PPP4R3B: variants seen among roughly 807,000 people sequenced by gnomAD.
The protein encoded by PPP4R3B is protein phosphatase 4 regulatory subunit 3B, also known as serine/threonine-protein phosphatase 4 regulatory subunit 3B.
In PPP4R3B, 52 loss-of-function variants were observed where a neutral mutation model predicts 95.4. That is an observed-to-expected ratio of 0.54 (90% confidence interval 0.44 to 0.69). The LOEUF is 0.69. PPP4R3B is among the 30% of genes least tolerant of loss of function. PPP4R3B has a pLI of 0.00. For missense variants in PPP4R3B, 1,003 were observed against 1,005.9 expected (o/e 1.00, Z 0.04); for synonymous variants, 407 against 343.9 (o/e 1.18, Z -2.03).
At chr2:55,553,957 C>T (rs1159672068) in intron 16 of PPP4R3B, among the ~76,000 whole-genome samples, 3 of 152,156 alleles carry the variant, frequency 2.0e-5, no homozygotes, top group African/African-American at 4.8e-5. Context: ...AATTTTCTTA[C>T]AATATATACC....
chr2:55,617,425 C>A lies in PPP4R3B; in HGVS notation c.-140G>T. ...GAGAGGCCCGAATTCACCATGGCTC[C>A]AAAGGTTCAGCCGCGAGAAGGGGTG... On this transcript the variant is annotated 5_prime_UTR_variant, in exon 1 of 17. Transcript: ENST00000616407. The A allele has an allele frequency of 1.9e-6, 2 of 1,038,012 alleles. No individual in the cohort carries two copies. Among genetic ancestry groups the A allele is most frequent in the South Asian group, 2.2e-5 (1 of 45,416 alleles). The allele number at this position is 1,038,012 out of a possible 1,614,324, so 64.3% of individuals were successfully genotyped here.
intron 3 of PPP4R3B, 30 bp downstream of exon 3, chr2:55,603,948 T>G: frequency 6.7e-7 from 1 of 1,487,682 alleles, no homozygotes; most frequent in Non-Finnish European, 9.2e-7. Flanking sequence ...GAAGCAAACA[T>G]TAAGTTAAAT....
chr2:55,569,477 T>C (rs1225089849), intron 12 of PPP4R3B, among the ~76,000 whole-genome samples: 1 of 152,158 alleles, frequency 6.6e-6, no homozygotes, highest in African/African-American at 2.4e-5. Flanking sequence ...TTATGTTCCA[T>C]CCTGTACACC....
intron 12 of PPP4R3B, among the ~76,000 whole-genome samples, chr2:55,569,398 G>A (rs986631283): frequency 4.6e-5 from 7 of 152,174 alleles, no homozygotes; most frequent in Admixed American, 1.3e-4. Context: ...AGGCCCACCT[G>A]CAGTTATCCA....
At chr2:55,570,516 T>TG (rs1687871015) in intron 12 of PPP4R3B, among the ~76,000 whole-genome samples, 1 of 152,366 alleles carries the variant, frequency 6.6e-6, no homozygotes, top group African/African-American at 2.4e-5. Context: ...AAAAATCTTA[T>TG]GGAACAGGAA....
In PPP4R3B at chr2:55,598,484, C is replaced by T. The variant is rs576584835; in HGVS notation, c.853G>A (p.Glu285Lys). The change falls in exon 4 of 17, where the codon GAG becomes AAG. Residue 285 changes from glutamate (E) to lysine (K), a missense_variant. Around this residue, in one of 3 missense-constraint regions of PPP4R3B, gnomAD observed 695 missense variants for 686.2 expected, o/e 1.01. Transcript: ENST00000616407. ...IILPTPSVFE[E>K]NFLSTLTSFI... ...GACGTAAGAGTAGAAAGAAAATTCT[C>T]TTCAAAAACAGATGGTGTGGGCAAA... The T allele has an allele frequency of 6.2e-7, 1 of 1,614,104 alleles. No homozygotes were observed. Among genetic ancestry groups the T allele is most frequent in the African/African-American group, 1.3e-5 (1 of 75,036 alleles).
chr2:55,595,754 A>C (rs1027134025), intron 4 of PPP4R3B, among the ~76,000 whole-genome samples: 6 of 145,414 alleles, frequency 4.1e-5, no homozygotes, highest in Non-Finnish European at 9.2e-5. Flanking sequence ...AAAAAAAAAA[A>C]CACAGCCTCA....
At chr2:55,591,757 A>T (rs1444061176) in intron 4 of PPP4R3B, 32 of 673,400 alleles carry the variant, frequency 4.8e-5, no homozygotes, top group Non-Finnish European at 5.9e-5. Context: ...GAGAATATGT[A>T]TTCCTAGTAT....
chr2:55,560,020 G>C (rs986235884), intron 15 of PPP4R3B, among the ~76,000 whole-genome samples: 1 of 152,144 alleles, frequency 6.6e-6, no homozygotes, highest in African/African-American at 2.4e-5. Context: ...TGCTCTGGTG[G>C]CTGAGGCAGG....
chr2:55,555,349 T>C (rs1304650013), intron 16 of PPP4R3B, among the ~76,000 whole-genome samples: 1 of 151,924 alleles, frequency 6.6e-6, no homozygotes, highest in Non-Finnish European at 1.5e-5. Flanking sequence ...TTGGCACTCT[T>C]ATTAAAATCT....
At chr2:55,563,599 C>T (rs983913550) in intron 15 of PPP4R3B, among the ~76,000 whole-genome samples, 21 of 152,096 alleles carry the variant, frequency 1.4e-4, no homozygotes, top group Non-Finnish European at 2.5e-4. Flanking sequence ...GTTTGGAACT[C>T]CTGGGCTCAA....
At chr2:55,569,407 C>T (rs1053768832) in intron 12 of PPP4R3B, among the ~76,000 whole-genome samples, 1 of 152,170 alleles carries the variant, frequency 6.6e-6, no homozygotes, top group African/African-American at 2.4e-5. Flanking sequence ...TGCAGTTATC[C>T]AGAGGCCTAA....
chr2:55,613,987 C>T (rs538427131), intron 2 of PPP4R3B, among the ~76,000 whole-genome samples: 1 of 152,130 alleles, frequency 6.6e-6, no homozygotes, highest in Admixed American at 6.5e-5. Context: ...GTATAGGAAA[C>T]ATCTTCAGGT....
chr2:55,567,321 C>T (rs377432017), intron 13 of PPP4R3B, among the ~76,000 whole-genome samples: 1 of 152,116 alleles, frequency 6.6e-6, no homozygotes, highest in East Asian at 1.9e-4. Context: ...CTATAAAATA[C>T]GGTAATTGGA....
chr2:55,590,634 G>A (rs1245279642), intron 4 of PPP4R3B, among the ~76,000 whole-genome samples: 1 of 152,106 alleles, frequency 6.6e-6, no homozygotes, highest in Non-Finnish European at 1.5e-5. Context: ...GTGGTTTTAA[G>A]CTTCAGTTAT....
intron 12 of PPP4R3B, among the ~76,000 whole-genome samples, chr2:55,572,305 G>C (rs1688110777): frequency 6.6e-6 from 1 of 152,116 alleles, no homozygotes; most frequent in South Asian, 2.1e-4. Context: ...AAATTTTAAA[G>C]TTATCTGGAA....
intron 12 of PPP4R3B, among the ~76,000 whole-genome samples, chr2:55,571,120 C>T (rs1176743623): frequency 6.6e-6 from 1 of 152,060 alleles, no homozygotes; most frequent in Non-Finnish European, 1.5e-5. Context: ...ACCAGCCTGG[C>T]CAACATGGTG....
chr2:55,608,191 G>T (rs909311736), intron 2 of PPP4R3B, among the ~76,000 whole-genome samples: 1 of 152,116 alleles, frequency 6.6e-6, no homozygotes, highest in Non-Finnish European at 1.5e-5. Context: ...TTTTAGTAGA[G>T]ACAGGGTTTC....
chr2:55,569,312 G>C (rs949544843), intron 12 of PPP4R3B, among the ~76,000 whole-genome samples: 17 of 152,060 alleles, frequency 1.1e-4, no homozygotes, highest in Non-Finnish European at 5.9e-5. Flanking sequence ...GACCGGGAAA[G>C]GGAGTCACCC....
Sources: gnomAD v4.1 joint callset for allele counts (sites outside exome capture counted in the v4.1 genomes callset) on GRCh38, gnomAD v4.1.1 for gene constraint, gnomAD v4.1.1 regional missense constraint, MANE v1.5 for transcripts, NCBI Gene and HGNC (gene_info 2026-07-23, HGNC 2026-07-21) for gene names.